Variants in PIP5K1B observed in about 807,000 individuals in gnomAD.
PIP5K1B encodes phosphatidylinositol 4-phosphate 5-kinase type-1 beta.
PIP5K1B carries 42 observed loss-of-function variants against 67.0 expected under a neutral mutation model. The ratio of observed to expected loss-of-function variants is 0.63; its 90% confidence interval spans 0.49 to 0.81. PIP5K1B has a LOEUF of 0.81. Among genes scored for constraint, PIP5K1B ranks in the 30% least tolerant of loss-of-function variants. The probability of loss-of-function intolerance (pLI) is 0.00; values close to 1 mark genes in which losing one functional copy is unlikely to be tolerated. For missense variants in PIP5K1B, 459 were observed against 646.3 expected (o/e 0.71, Z 3.14); for synonymous variants, 214 against 231.4 (o/e 0.92, Z 0.68).
At chr9:68,902,584 G>A (rs967119505) in intron 8 of PIP5K1B, among the ~76,000 whole-genome samples, 6 of 152,142 alleles carry the variant, frequency 3.9e-5, no homozygotes, top group African/African-American at 1.2e-4. Flanking sequence ...TTGTATACTG[G>A]CTTTTGCGTG....
intron 5 of PIP5K1B, among the ~76,000 whole-genome samples, chr9:68,867,147 C>CAA (rs5898044): frequency 6.6e-6 from 1 of 150,838 alleles, no homozygotes; most frequent in Middle Eastern, 3.4e-3. Context: ...ATCTTCCCTT[C>CAA]AAAAAAAAAT....
chr9:68,962,478 A>G (rs1303284869), intron 14 of PIP5K1B, among the ~76,000 whole-genome samples: 2 of 152,230 alleles, frequency 1.3e-5, no homozygotes, highest in African/African-American at 4.8e-5. Flanking sequence ...AATGATTTAA[A>G]GTCCTCAAAT....
chr9:68,753,988 T>C (rs1829779453), intron 2 of PIP5K1B, among the ~76,000 whole-genome samples: 1 of 151,624 alleles, frequency 6.6e-6, no homozygotes. Flanking sequence ...TGATTGTTCT[T>C]CTATAAGAAC....
intron 2 of PIP5K1B, among the ~76,000 whole-genome samples, chr9:68,774,310 G>A (rs1174262696): frequency 6.6e-6 from 1 of 152,018 alleles, no homozygotes. Context: ...AACTTTAGGG[G>A]TGTGTGTGTT....
intron 4 of PIP5K1B, among the ~76,000 whole-genome samples, chr9:68,852,185 A>C (rs2132208668): frequency 6.6e-6 from 1 of 152,294 alleles, no homozygotes; most frequent in East Asian, 1.9e-4. Context: ...CCTATGTAAC[A>C]AACCTGCATG....
chr9:68,869,058 G>C (rs1823497394), intron 5 of PIP5K1B, among the ~76,000 whole-genome samples: 1 of 152,148 alleles, frequency 6.6e-6, no homozygotes, highest in African/African-American at 2.4e-5. Flanking sequence ...CAATGTTACA[G>C]GTTTGACAAA....
chr9:68,789,040 C>G, intron 2 of PIP5K1B: 1 of 465,720 alleles, frequency 2.1e-6, no homozygotes, highest in South Asian at 2.0e-5. Context: ...CTTGATACAG[C>G]ATCAATCATC....
At chr9:68,822,868 T>G (rs1055626677) in intron 4 of PIP5K1B, among the ~76,000 whole-genome samples, 185 bp downstream of exon 4, 1 of 152,228 alleles carries the variant, frequency 6.6e-6, no homozygotes, top group African/African-American at 2.4e-5. Context: ...TATAGTTCAG[T>G]GAGTCAGAAG....
intron 1 of PIP5K1B, chr9:68,707,493 C>A (rs1827177889): frequency 6.6e-6 from 1 of 152,172 alleles, no homozygotes; most frequent in Non-Finnish European, 1.5e-5. Flanking sequence ...TCTGTCATAA[C>A]CAGGTGCCTG....
chr9:68,938,945 T>G (rs977588795), intron 13 of PIP5K1B, among the ~76,000 whole-genome samples: 1 of 152,216 alleles, frequency 6.6e-6, no homozygotes, highest in African/African-American at 2.4e-5. Context: ...TACAATTAGG[T>G]GAGGCTCCCC....
intron 2 of PIP5K1B, among the ~76,000 whole-genome samples, chr9:68,810,534 A>C (rs552847244): frequency 2.2e-4 from 34 of 152,314 alleles, no homozygotes; most frequent in Non-Finnish European, 3.2e-4. Flanking sequence ...GTGTCTACAG[A>C]TTGGCCTACT....
intron 15 of PIP5K1B, among the ~76,000 whole-genome samples, chr9:68,997,022 G>T (rs1217854712): frequency 6.6e-6 from 1 of 152,196 alleles, no homozygotes; most frequent in African/African-American, 2.4e-5. Context: ...AAACAGTTAA[G>T]CTGTTTTTTA....
At chr9:68,750,813 G>A (rs1829587663) in intron 2 of PIP5K1B, among the ~76,000 whole-genome samples, 1 of 152,194 alleles carries the variant, frequency 6.6e-6, no homozygotes, top group African/African-American at 2.4e-5. Context: ...CAAGGGGGCA[G>A]GTTGTGATAT....
chr9:68,845,203 C>G (rs1663830061), intron 4 of PIP5K1B, among the ~76,000 whole-genome samples: 1 of 152,154 alleles, frequency 6.6e-6, no homozygotes, highest in Non-Finnish European at 1.5e-5. Context: ...CAGAAGGAGC[C>G]TGAAACTGAT....
intron 2 of PIP5K1B, among the ~76,000 whole-genome samples, chr9:68,816,463 T>C (rs1480845354): frequency 6.6e-6 from 1 of 152,132 alleles, no homozygotes; most frequent in East Asian, 1.9e-4. Context: ...CATAAAAATA[T>C]AAATGCAAGA....
At chr9:68,760,189 C>T (rs1830120296) in intron 2 of PIP5K1B, among the ~76,000 whole-genome samples, 1 of 152,122 alleles carries the variant, frequency 6.6e-6, no homozygotes, top group African/African-American at 2.4e-5. Context: ...GCCATGAGCA[C>T]AGCTCTCTTT....
At position 68,847,392 on chromosome 9, in the gene PIP5K1B, T is replaced by G. The variant is rs549484980; in HGVS notation, c.70-16445T>G. Among the ~76,000 whole-genome samples, 6 of 145,744 alleles carry G rather than the reference T, an allele frequency of 4.1e-5. No homozygotes were observed. The South Asian group carries it at 1.3e-3, about 32-fold the overall frequency. ...TAATCATCCCCTCTCATTCCCTAAA[T>G]CAGCAACAACAGCAGTGGTTTTGTG... On this transcript the variant is annotated intron_variant, in intron 4 of 15. Coordinates refer to ENST00000265382, the MANE Select transcript of PIP5K1B (RefSeq NM_003558.4).
intron 4 of PIP5K1B, chr9:68,824,000 T>G: frequency 4.5e-6 from 2 of 447,520 alleles, no homozygotes; most frequent in Non-Finnish European, 8.9e-6. Flanking sequence ...TGGAAAAGAG[T>G]TGGGTAAAGA....
At chr9:68,927,345 A>G (rs1826762001) in intron 12 of PIP5K1B, among the ~76,000 whole-genome samples, 1 of 152,212 alleles carries the variant, frequency 6.6e-6, no homozygotes, top group Non-Finnish European at 1.5e-5. Context: ...AGGAACTGTC[A>G]AACTCCTTTC....
Sources: allele counts gnomAD v4.1 joint callset (sites outside exome capture counted in the v4.1 genomes callset), GRCh38; gene constraint gnomAD v4.1.1; transcripts MANE v1.5; gene names NCBI Gene and HGNC (gene_info 2026-07-23, HGNC 2026-07-21).